DAB1: variants seen among roughly 807,000 people sequenced by gnomAD.
The protein encoded by DAB1 is DAB adaptor protein 1, also known as disabled homolog 1.
In DAB1, 15 loss-of-function variants were observed where a neutral mutation model predicts 64.6. The ratio of observed to expected loss-of-function variants is 0.23; its 90% CI spans 0.16 to 0.36. DAB1 has a LOEUF of 0.36. Among genes scored for constraint, DAB1 ranks in the 10% least tolerant of loss-of-function variants. The pLI is 1.00. For synonymous variants in DAB1, 235 were observed against 251.9 expected, an observed-to-expected ratio of 0.93 and a Z score of 0.64; for missense variants, 596 against 706.7, an observed-to-expected ratio of 0.84 and a Z score of 1.78.
chr1:57,072,494 C>A, intron 4 of DAB1, 80 bp from the exon 5 acceptor site: 1 of 1,530,624 alleles, frequency 6.5e-7, no homozygotes, highest in South Asian at 1.2e-5. Context: ...TGTGTTTCAG[C>A]TACGTGTGAA....
chr1:57,074,090 A>G (rs1327979089), intron 4 of DAB1, among the ~76,000 whole-genome samples: 1 of 152,004 alleles, frequency 6.6e-6, no homozygotes, highest in Non-Finnish European at 1.5e-5. Context: ...GGCTGGTCTC[A>G]GACTCCTGGG....
intron 3 of DAB1, among the ~76,000 whole-genome samples, chr1:58,448,687 G>A (rs779511375): frequency 1.3e-5 from 2 of 152,164 alleles, no homozygotes; most frequent in Non-Finnish European, 2.9e-5. Context: ...GGGGACACAA[G>A]CACAAGAGAT....
chr1:58,063,119 G>A (rs554906756), intron 5 of DAB1, among the ~76,000 whole-genome samples: 4 of 152,262 alleles, frequency 2.6e-5, no homozygotes, highest in East Asian at 1.9e-4. Flanking sequence ...CAGAATGTCC[G>A]AAGAGGCCCA....
At chr1:57,616,450 C>T (rs1645791069) in intron 7 of DAB1, among the ~76,000 whole-genome samples, 1 of 152,088 alleles carries the variant, frequency 6.6e-6, no homozygotes, top group Non-Finnish European at 1.5e-5. Context: ...TTTTGCTCAC[C>T]TGGTTTCTCC....
At chr1:57,375,879 G>A (rs969622596) in intron 1 of DAB1, among the ~76,000 whole-genome samples, 7 of 152,174 alleles carry the variant, frequency 4.6e-5, no homozygotes, top group Admixed American at 1.3e-4. Flanking sequence ...TTCATTCAAC[G>A]AATATTTTGT....
rs576477661 is a variant in DAB1, at chr1:57,920,776, C to T, written n.388-36614G>A. On this transcript the variant is annotated intron_variant and non_coding_transcript_variant, in intron 5 of 20. Coordinates refer to the DAB1 transcript ENST00000485760. Reference sequence around the variant, plus strand: ...TATAAAGTACTGCATATGTATAAGGCATCATTAGTATCACTGTTATCATAA... The same window carrying T: ...TATAAAGTACTGCATATGTATAAGGTATCATTAGTATCACTGTTATCATAA... 9.9e-5 allele frequency among the ~76,000 whole-genome samples: 15 copies of T among 152,284 alleles called. No homozygotes were observed. In the East Asian group the frequency reaches 1.5e-3, roughly 16 times the overall value.
chr1:57,727,530 A>T (rs945466295), intron 6 of DAB1, among the ~76,000 whole-genome samples: 1 of 152,196 alleles, frequency 6.6e-6, no homozygotes, highest in Non-Finnish European at 1.5e-5. Context: ...ATCATGATGA[A>T]TGGGATTCTG....
chr1:57,533,539 G>GTGTATA (rs1553191461), intron 7 of DAB1, among the ~76,000 whole-genome samples: 1 of 143,770 alleles, frequency 7.0e-6, no homozygotes, highest in Non-Finnish European at 1.5e-5. Flanking sequence ...TTCATAACAG[G>GTGTATA]TATATATATA....
At chr1:57,327,528 G>A (rs986861360) in intron 1 of DAB1, among the ~76,000 whole-genome samples, 3 of 152,092 alleles carry the variant, frequency 2.0e-5, no homozygotes, top group Admixed American at 2.0e-4. Context: ...CAGAACTGCT[G>A]CCAAACCTGG....
chr1:57,662,259 G>C (rs750441987), intron 6 of DAB1, among the ~76,000 whole-genome samples: 3 of 152,094 alleles, frequency 2.0e-5, no homozygotes, highest in Non-Finnish European at 4.4e-5. Context: ...GCAATGGCGC[G>C]ATCTCGGCTC....
intron 4 of DAB1, among the ~76,000 whole-genome samples, chr1:58,268,845 T>A (rs1387416128): frequency 1.3e-5 from 2 of 152,170 alleles, no homozygotes; most frequent in East Asian, 3.8e-4. Flanking sequence ...GGTTTCATAC[T>A]TCTTGATTTC....
chr1:57,897,430 G>A (rs575078355), intron 5 of DAB1, among the ~76,000 whole-genome samples: 110 of 152,212 alleles, frequency 7.2e-4, no homozygotes, highest in African/African-American at 2.6e-3. Context: ...ATCCCATATT[G>A]ATTTTTCTCT....
chr1:57,394,335 T>C (rs1682636127), intron 1 of DAB1, among the ~76,000 whole-genome samples: 1 of 152,224 alleles, frequency 6.6e-6, no homozygotes, highest in Non-Finnish European at 1.5e-5. Flanking sequence ...AGCAACACAG[T>C]TACCTTAGCC....
intron 6 of DAB1, among the ~76,000 whole-genome samples, chr1:57,664,954 A>G (rs559547059): frequency 6.6e-6 from 1 of 152,052 alleles, no homozygotes; most frequent in Admixed American, 6.5e-5. Context: ...GGACAATTTT[A>G]TTTTCTTCTT....
chr1:57,063,915 A>G (rs1168265459), intron 8 of DAB1, among the ~76,000 whole-genome samples: 1 of 152,202 alleles, frequency 6.6e-6, no homozygotes, highest in African/African-American at 2.4e-5. Context: ...GTCACAGCTT[A>G]GCTCACACCC....
intron 7 of DAB1, among the ~76,000 whole-genome samples, chr1:57,450,210 T>C (rs1180813180): frequency 6.6e-6 from 1 of 152,210 alleles, no homozygotes; most frequent in Non-Finnish European, 1.5e-5. Flanking sequence ...TTGGCTTAAA[T>C]TCACACTAAA....
At chr1:57,168,363 T>C (rs1342330641) in intron 2 of DAB1, among the ~76,000 whole-genome samples, 1 of 152,226 alleles carries the variant, frequency 6.6e-6, no homozygotes, top group Non-Finnish European at 1.5e-5. Flanking sequence ...CCTGCTCTTG[T>C]GGAGATCACA....
chr1:57,452,728 A>G (rs769403111), intron 7 of DAB1, among the ~76,000 whole-genome samples: 1 of 152,130 alleles, frequency 6.6e-6, no homozygotes, highest in Non-Finnish European at 1.5e-5. Flanking sequence ...TCTGCAGAAA[A>G]TGAAAAATTT....
chr1:57,901,585 C>A (rs1644474901), intron 5 of DAB1, among the ~76,000 whole-genome samples: 1 of 152,118 alleles, frequency 6.6e-6, no homozygotes, highest in African/African-American at 2.4e-5. Context: ...CTGCTGCTGG[C>A]CTTTCTTTTC....
Sources: allele counts gnomAD v4.1 joint callset (sites outside exome capture counted in the v4.1 genomes callset), GRCh38; gene constraint gnomAD v4.1.1; transcripts MANE v1.5; gene names NCBI Gene and HGNC (gene_info 2026-07-23, HGNC 2026-07-21).